Variants in CDK19 observed in about 807,000 individuals in gnomAD.
The protein encoded by CDK19 is cyclin-dependent kinase 19.
In CDK19, 20 loss-of-function variants were observed where a neutral mutation model predicts 68.3. The ratio of observed to expected loss-of-function variants is 0.29; its 90% CI spans 0.21 to 0.43. CDK19 has a LOEUF of 0.43. CDK19 is among the 20% of genes least tolerant of loss of function. The probability of loss-of-function intolerance (pLI) is 1.00; values close to 1 mark genes in which losing one functional copy is unlikely to be tolerated. For missense variants in CDK19, 339 were observed against 623.5 expected (o/e 0.54, Z 4.86); for synonymous variants, 221 against 222.8 (o/e 0.99, Z 0.07).
At chr6:110,654,865 C>T (rs971477936) in intron 4 of CDK19, among the ~76,000 whole-genome samples, 4 of 151,298 alleles carry the variant, frequency 2.6e-5, no homozygotes, top group African/African-American at 9.7e-5. Flanking sequence ...CACTTGAACC[C>T]GGGAGGTGGA....
At chr6:110,694,100 C>G (rs1773274420) in intron 2 of CDK19, among the ~76,000 whole-genome samples, 1 of 148,990 alleles carries the variant, frequency 6.7e-6, no homozygotes, top group African/African-American at 2.5e-5. Flanking sequence ...ACAAGGTGTT[C>G]AGGCAACAAC....
At chr6:110,637,509 A>G (rs1333418925) in intron 5 of CDK19, among the ~76,000 whole-genome samples, 7 of 152,242 alleles carry the variant, frequency 4.6e-5, no homozygotes, top group Non-Finnish European at 8.8e-5. Context: ...GTAGAAAACT[A>G]AACAGCAGGG....
At chr6:110,814,483 C>G (rs1783409265) in intron 1 of CDK19, 2 of 389,982 alleles carry the variant, frequency 5.1e-6, no homozygotes, top group South Asian at 3.7e-5. Flanking sequence ...CTGCTGGGGG[C>G]GGCGGTGCCC....
chr6:110,651,539 G>T (rs943791292), intron 4 of CDK19, among the ~76,000 whole-genome samples: 14 of 152,120 alleles, frequency 9.2e-5, no homozygotes, highest in Admixed American at 2.0e-4. Context: ...TTGAAACCAG[G>T]CTGGGCAACA....
intron 7 of CDK19, 34 bp from the exon 8 acceptor site, chr6:110,626,879 A>G: frequency 7.1e-7 from 1 of 1,407,552 alleles, no homozygotes; most frequent in Non-Finnish European, 9.7e-7. Context: ...TATAGAAAAT[A>G]ATGTGTTAAT....
Position 110,654,942 on chromosome 6 carries a change from C to CA in CDK19, c.456+12491dup, listed in dbSNP as rs200143899. ...GGCAATAAGAACAAAACTCTGTCTC[C>CA]AAAAAAAAAAAAAGAAAGAAAGAAA... On this transcript the variant is annotated intron_variant, in intron 4 of 12. Coordinates refer to ENST00000368911, the MANE Select transcript of CDK19 (RefSeq NM_015076.5). Among the ~76,000 whole-genome samples the CA allele has an allele frequency of 3.8e-3, 416 of 110,332 alleles. 2 individuals are homozygous for CA. Among genetic ancestry groups the CA allele is most frequent in the East Asian group, 0.017 (68 of 4,000 alleles). 72.4% of individuals were successfully genotyped at this position (110,332 alleles called of 152,430 possible). A position where few individuals can be genotyped will look rare whatever the true frequency, so the allele number is the denominator to read the frequency against.
rs532946329 is a variant in CDK19 at position 110,743,627 on chromosome 6, G to GT, written c.204+2498dup. Among the ~76,000 whole-genome samples the GT allele has an allele frequency of 1.4e-4, 22 of 152,144 alleles. No homozygotes were observed. In the South Asian group the frequency reaches 4.4e-3, roughly 30 times the overall value. ...ACTGCAACCCAGCCTGGGTGACAGA[G>GT]TGAGATTCTGTCTCCTACAAAAAAA... On this transcript the variant is annotated intron_variant, in intron 2 of 12. Transcript: ENST00000368911.
At chr6:110,708,109 G>A (rs926798594) in intron 2 of CDK19, among the ~76,000 whole-genome samples, 3 of 152,150 alleles carry the variant, frequency 2.0e-5, no homozygotes, top group African/African-American at 7.2e-5. Context: ...AGAGGAAAGC[G>A]CTCTTTTCAG....
At chr6:110,641,494 G>A (rs1023754470) in intron 4 of CDK19, among the ~76,000 whole-genome samples, 1 of 151,660 alleles carries the variant, frequency 6.6e-6, no homozygotes, top group Non-Finnish European at 1.5e-5. Context: ...CTACTTGGGA[G>A]GCTGAGGCAG....
chr6:110,779,988 G>A (rs754848596), intron 1 of CDK19, among the ~76,000 whole-genome samples: 15 of 152,066 alleles, frequency 9.9e-5, no homozygotes, highest in Non-Finnish European at 1.9e-4. Flanking sequence ...AGGAGGCCGA[G>A]GCAGGCAGAT....
At chr6:110,755,890 G>A (rs898798303) in intron 1 of CDK19, among the ~76,000 whole-genome samples, 9 of 152,128 alleles carry the variant, frequency 5.9e-5, no homozygotes, top group African/African-American at 2.2e-4. Flanking sequence ...GAGGAGGGTG[G>A]ATGAGGGCCA....
chr6:110,768,863 C>T (rs921650329), intron 1 of CDK19, among the ~76,000 whole-genome samples: 1 of 151,972 alleles, frequency 6.6e-6, no homozygotes, highest in African/African-American at 2.4e-5. Context: ...AGAGCAAACC[C>T]AAATGAAGGC....
chr6:110,759,598 G>A (rs1047139993), intron 1 of CDK19, among the ~76,000 whole-genome samples: 15 of 150,424 alleles, frequency 1.0e-4, no homozygotes, highest in African/African-American at 3.4e-4. Context: ...GGCCAACCTG[G>A]GCATTATAGC....
chr6:110,666,100 G>A (rs916952678), intron 4 of CDK19, among the ~76,000 whole-genome samples: 5 of 133,200 alleles, frequency 3.8e-5, no homozygotes, highest in African/African-American at 1.3e-4. Context: ...ACACATGGAA[G>A]CCTCAAAGAA....
intron 10 of CDK19, 110 bp from the exon 11 acceptor site, chr6:110,622,276 A>G: frequency 4.0e-6 from 3 of 744,026 alleles, no homozygotes; most frequent in Non-Finnish European, 6.7e-6. Context: ...CCTACTCTTC[A>G]TCTGTGGCTA....
At chr6:110,660,409 C>T (rs1781547359) in intron 4 of CDK19, among the ~76,000 whole-genome samples, 1 of 152,160 alleles carries the variant, frequency 6.6e-6, no homozygotes. Flanking sequence ...GTACAGTGCC[C>T]TTTTAGCTTT....
At chr6:110,642,434 C>T (rs563939133) in intron 4 of CDK19, among the ~76,000 whole-genome samples, 1 of 151,842 alleles carries the variant, frequency 6.6e-6, no homozygotes, top group Non-Finnish European at 1.5e-5. Flanking sequence ...GATTTAGATG[C>T]TACAGAAGCA....
chr6:110,806,114 C>T (rs1330051709), intron 1 of CDK19, among the ~76,000 whole-genome samples: 1 of 151,716 alleles, frequency 6.6e-6, no homozygotes, highest in African/African-American at 2.4e-5. Context: ...CCGAGGTGGG[C>T]AGATCACCTG....
intron 1 of CDK19, among the ~76,000 whole-genome samples, chr6:110,759,428 AATATATAT>A (rs34490988): frequency 7.9e-5 from 4 of 50,908 alleles, no homozygotes; most frequent in African/African-American, 3.5e-4. Flanking sequence ...AAAAAAAAAA[AATATATAT>A]ATATATATAT....
Sources: allele counts gnomAD v4.1 joint callset (sites outside exome capture counted in the v4.1 genomes callset), GRCh38; gene constraint gnomAD v4.1.1; transcripts MANE v1.5; gene names NCBI Gene and HGNC (gene_info 2026-07-23, HGNC 2026-07-21).